STON1: variants seen among roughly 807,000 people sequenced by gnomAD.
STON1 encodes stonin 1, also known as stonin-1.
STON1 carries 79 observed loss-of-function variants against 60.9 expected under a neutral mutation model. That is an observed-to-expected ratio of 1.30 (90% CI 1.08 to 1.56). STON1 has a LOEUF of 1.56. Ranked by LOEUF, STON1 falls within the 40% of genes most tolerant of loss-of-function variation. The probability of loss-of-function intolerance (pLI) is 0.00; values close to 1 mark genes in which losing one functional copy is unlikely to be tolerated. For synonymous variants in STON1, 363 were observed against 306.9 expected, an observed-to-expected ratio of 1.18 and a Z score of -1.91; for missense variants, 1,166 against 858.9, an observed-to-expected ratio of 1.36 and a Z score of -4.47.
intron 1 of STON1, among the ~76,000 whole-genome samples, chr2:48,570,488 C>T (rs1412309968): frequency 6.6e-6 from 1 of 152,134 alleles, no homozygotes; most frequent in Admixed American, 6.6e-5. Context: ...TTAGTTAGTT[C>T]AGGGCTTCCC....
intron 1 of STON1, among the ~76,000 whole-genome samples, chr2:48,577,987 T>A (rs1673616755): frequency 6.6e-6 from 1 of 151,896 alleles, no homozygotes; most frequent in Admixed American, 6.6e-5. Flanking sequence ...ATCTTTTATC[T>A]ATTTTTTTTT....
chr2:48,561,557 T>G (rs1672614209), intron 1 of STON1, among the ~76,000 whole-genome samples: 1 of 152,200 alleles, frequency 6.6e-6, no homozygotes, highest in African/African-American at 2.4e-5. Flanking sequence ...ACTGACCTCC[T>G]TGCTTTTGAC....
chr2:48,580,857 C>G lies in STON1; in HGVS notation c.224C>G (p.Pro75Arg). ...GTAGATTTTTATTTCAGTCCAGGAC[C>G]TCCAAGTAACTCTCCTCTTTCTACA... ...PIVDFYFSPG[P>R]PSNSPLSTPT... The change falls in exon 2 of 4, where the codon CCT becomes CGT. Residue 75 changes from proline to arginine, a missense_variant. By Grantham distance (103) the Pro-to-Arg change is moderately radical. Transcript: ENST00000404752. 8 of 1,562,704 alleles carry G rather than the reference C, an allele frequency of 5.1e-6. No homozygotes were observed. The highest frequency in any genetic ancestry group is 6.9e-6 in the Non-Finnish European group (8 of 1,159,480).
At chr2:48,550,863 G>A (rs999071357) in intron 1 of STON1, among the ~76,000 whole-genome samples, 1 of 151,766 alleles carries the variant, frequency 6.6e-6, no homozygotes, top group African/African-American at 2.4e-5. Context: ...TTTAGGGACT[G>A]GAAAACCTAA....
rs529053109 is a variant in STON1 at position 48,539,497 on chromosome 2, A to G, written c.-48+9281A>G. On this transcript the variant is annotated intron_variant, in intron 1 of 3. Coordinates refer to ENST00000404752, the MANE Select transcript of STON1 (RefSeq NM_006873.4). ...GTTTTAACCCATGTGTGGTGTTATG[A>G]TATATGTTTTCTTTTTTGAGATGGG... 2.0e-5 allele frequency among the ~76,000 whole-genome samples: 3 copies of G among 151,920 alleles called. No individual in the cohort carries two copies. The South Asian group carries it at 6.2e-4, about 32-fold the overall frequency.
chr2:48,536,077 A>T (rs1222739067), intron 1 of STON1, among the ~76,000 whole-genome samples: 1 of 151,848 alleles, frequency 6.6e-6, no homozygotes, highest in South Asian at 2.1e-4. Flanking sequence ...ACAGAGCGAC[A>T]CTCTGTCTCA....
intron 1 of STON1, among the ~76,000 whole-genome samples, chr2:48,543,988 G>A (rs924510354): frequency 1.3e-5 from 2 of 152,148 alleles, no homozygotes; most frequent in African/African-American, 4.8e-5. Context: ...AGGGGTGGCT[G>A]GAGGAGATAG....
At chr2:48,565,152 A>C (rs1178147554) in intron 1 of STON1, among the ~76,000 whole-genome samples, 2 of 142,752 alleles carry the variant, frequency 1.4e-5, no homozygotes, top group East Asian at 2.1e-4. Flanking sequence ...TCCCAGGTTC[A>C]TGCCATTCTC....
intron 1 of STON1, among the ~76,000 whole-genome samples, chr2:48,535,949 A>G (rs1671409253): frequency 6.6e-6 from 1 of 151,972 alleles, no homozygotes; most frequent in Non-Finnish European, 1.5e-5. Context: ...TTAGCTGGGC[A>G]TGGTGGTGTG....
In STON1 at chr2:48,580,817, C is replaced by T. The variant is rs777851049; in HGVS notation, c.184C>T (p.Leu62Phe). 3 of 1,549,020 alleles carry T rather than the reference C, an allele frequency of 1.9e-6. No individual in the cohort carries two copies. The highest frequency in any genetic ancestry group is 2.6e-6 in the Non-Finnish European group (3 of 1,150,430). The change falls in exon 2 of 4, where the codon CTC (leucine) becomes TTC (phenylalanine). Residue 62 changes from leucine (L) to phenylalanine (F), a missense_variant. Coordinates refer to ENST00000404752, the MANE Select transcript of STON1 (RefSeq NM_006873.4). Reference sequence around the variant, plus strand: ...ATCTTCCTCCACCAGCAGCACTCCTCTCTCCTCCCCCATTGTAGATTTTTA... The same window carrying T: ...ATCTTCCTCCACCAGCAGCACTCCTTTCTCCTCCCCCATTGTAGATTTTTA... ...SGSSSTSSTP[L>F]SSPIVDFYFS... is the part of the protein sequence containing the mutation.
At chr2:48,593,201 C>T (rs773037245) in intron 3 of STON1, among the ~76,000 whole-genome samples, 1 of 151,412 alleles carries the variant, frequency 6.6e-6, no homozygotes, top group Admixed American at 6.6e-5. Context: ...CTGCAACCTC[C>T]GCTTCCTAGG....
rs146000073 is a variant in STON1, at chr2:48,589,255, G to T, written c.1931-2398G>T. Reference sequence around the variant, plus strand: ...TCAGTTTCAGGTGTAAAATATTTTGGTTCAGGAGGGACTGGATATCAACTA... The same window carrying T: ...TCAGTTTCAGGTGTAAAATATTTTGTTTCAGGAGGGACTGGATATCAACTA... On this transcript the variant is annotated intron_variant, in intron 2 of 3. Coordinates refer to ENST00000404752, the MANE Select transcript of STON1 (RefSeq NM_006873.4). 5.9e-4 allele frequency among the ~76,000 whole-genome samples: 89 copies of T among 152,088 alleles called. 1 individual carries two copies. The highest frequency in any genetic ancestry group is 1.9e-3 in the African/African-American group (80 of 41,458).
chr2:48,573,343 A>T (rs914272111), intron 1 of STON1, among the ~76,000 whole-genome samples: 1 of 152,214 alleles, frequency 6.6e-6, no homozygotes, highest in African/African-American at 2.4e-5. Flanking sequence ...AAGATAAATA[A>T]ATAAATATCC....
intron 1 of STON1, 120 bp downstream of exon 1, chr2:48,530,336 G>A (rs937065538): frequency 1.1e-5 from 3 of 285,230 alleles, no homozygotes; most frequent in South Asian, 2.8e-5. Flanking sequence ...CATCTCCAGG[G>A]CCGCTCGGCG....
At chr2:48,558,061 A>T (rs1256221449) in intron 1 of STON1, among the ~76,000 whole-genome samples, 1 of 152,192 alleles carries the variant, frequency 6.6e-6, no homozygotes, top group Admixed American at 6.5e-5. Flanking sequence ...CATCTCTACC[A>T]AAAATACAAA....
At position 48,581,236 on chromosome 2, in the gene STON1, A is replaced by G; in HGVS notation, c.603A>G (p.Pro201=). The G allele has an allele frequency of 2.0e-6, 3 of 1,517,908 alleles. No homozygotes were observed. The South Asian group carries it at 4.0e-5, about 20-fold the overall frequency. 94.0% of individuals were successfully genotyped at this position (1,517,908 alleles called of 1,614,324 possible). Residue 201 remains proline (P), a synonymous_variant, in exon 2 of 4, where the codon CCA becomes CCG. Coordinates refer to ENST00000404752, the MANE Select transcript of STON1 (RefSeq NM_006873.4). ...ATTCCCATTTCACCCTTGACCCACC[A>G]GGAAGCAAAAAGATGTTCTCATCAA... ...GSDSHFTLDP[P]GSKKMFSSRN...
intron 1 of STON1, among the ~76,000 whole-genome samples, chr2:48,541,402 G>A (rs555213883): frequency 2.0e-5 from 3 of 150,638 alleles, no homozygotes; most frequent in African/African-American, 7.3e-5. Flanking sequence ...CAGCGAAGTC[G>A]GCCGGGTGCA....
intron 2 of STON1, among the ~76,000 whole-genome samples, chr2:48,587,679 C>T (rs540059187): frequency 2.2e-4 from 34 of 152,256 alleles, no homozygotes; most frequent in African/African-American, 7.7e-4. Context: ...CTGATCTTGG[C>T]CTTCAGGAAT....
At chr2:48,574,369 C>G (rs1211415307) in intron 1 of STON1, among the ~76,000 whole-genome samples, 1 of 149,706 alleles carries the variant, frequency 6.7e-6, no homozygotes, top group Non-Finnish European at 1.5e-5. Context: ...GAGTGCAACT[C>G]CATCTCGAAA....
Sources: allele counts gnomAD v4.1 joint callset (sites outside exome capture counted in the v4.1 genomes callset), GRCh38; gene constraint gnomAD v4.1.1; transcripts MANE v1.5; gene names NCBI Gene and HGNC (gene_info 2026-07-23, HGNC 2026-07-21).